The following STIM2 variants were observed in gnomAD, a reference collection of about 807,000 sequenced individuals.
STIM2 encodes the protein stromal interaction molecule 2.
STIM2 carries 31 observed loss-of-function variants against 85.8 expected under a neutral mutation model. The ratio of observed to expected loss-of-function variants is 0.36; its 90% CI spans 0.27 to 0.49. The LOEUF is 0.49. STIM2 is among the 20% of genes least tolerant of loss of function. The probability of loss-of-function intolerance (pLI) is 0.98; values close to 1 mark genes in which losing one functional copy is unlikely to be tolerated. For synonymous variants in STIM2, 356 were observed against 331.1 expected (o/e 1.08, Z -0.82); for missense variants, 841 against 927.6 (o/e 0.91, Z 1.21).
intron 6 of STIM2, 117 bp downstream of exon 6, chr4:27,002,511 G>A (rs1432321388): frequency 3.0e-6 from 2 of 661,382 alleles, no homozygotes; most frequent in East Asian, 3.0e-5. Context: ...AGGAATAGAT[G>A]CATATTTGAT....
intron 1 of STIM2, among the ~76,000 whole-genome samples, chr4:26,878,450 T>C (rs1462348247): frequency 6.6e-6 from 1 of 152,184 alleles, no homozygotes; most frequent in African/African-American, 2.4e-5. Flanking sequence ...TGAAGCATAG[T>C]AGGCTTTTAC....
At chr4:26,922,671 T>G (rs1443281116) in intron 2 of STIM2, among the ~76,000 whole-genome samples, 1 of 151,762 alleles carries the variant, frequency 6.6e-6, no homozygotes, top group Admixed American at 6.6e-5. Context: ...TGTAACAGAG[T>G]TTTTGTAGAG....
chr4:26,953,090 A>G (rs968567998), intron 2 of STIM2, among the ~76,000 whole-genome samples: 2 of 152,120 alleles, frequency 1.3e-5, no homozygotes, highest in African/African-American at 4.8e-5. Flanking sequence ...TTTTGATGAC[A>G]GGTGTCGTTT....
rs143107481 is a variant in STIM2 at position 27,017,846 on chromosome 4, G to C, written c.1625G>C (p.Arg542Pro). Residue 542 changes from arginine to proline, a missense_variant, in exon 11 of 12, where the codon CGG becomes CCG. Arg to Pro is a moderately radical substitution (Grantham distance 103). This residue lies in a region of STIM2 where 293 missense variants were observed against 284.5 expected (regional missense o/e 1.03). Coordinates refer to ENST00000467087, the MANE Select transcript of STIM2 (RefSeq NM_020860.4). Reference sequence around the variant, plus strand: ...CACGCCCCCCACCCGTCACACCCTCGGCACCCTCACCACCCGCAACACACA... The same window carrying C: ...CACGCCCCCCACCCGTCACACCCTCCGCACCCTCACCACCCGCAACACACA... The C allele has an allele frequency of 6.2e-7, 1 of 1,613,890 alleles. No individual in the cohort carries two copies. The highest frequency in any genetic ancestry group is 8.5e-7 in the Non-Finnish European group (1 of 1,179,974).
intron 3 of STIM2, among the ~76,000 whole-genome samples, chr4:26,976,366 C>T (rs1255296716): frequency 1.4e-5 from 2 of 144,258 alleles, no homozygotes; most frequent in African/African-American, 5.1e-5. Context: ...TGTTCCTATT[C>T]GGCCATCTTG....
chr4:26,954,078 G>A (rs1009462600), intron 2 of STIM2, among the ~76,000 whole-genome samples: 5 of 152,142 alleles, frequency 3.3e-5, no homozygotes, highest in African/African-American at 1.2e-4. Context: ...AAAAGGGTAT[G>A]GCCTGAATAC....
At chr4:26,890,825 A>G (rs1482576485) in intron 1 of STIM2, among the ~76,000 whole-genome samples, 7 of 145,470 alleles carry the variant, frequency 4.8e-5, no homozygotes, top group Admixed American at 2.7e-4. Flanking sequence ...CTCCGTCTCA[A>G]AAAAAAAAAA....
chr4:26,888,198 C>T (rs180761125), intron 1 of STIM2, among the ~76,000 whole-genome samples: 23 of 152,296 alleles, frequency 1.5e-4, no homozygotes, highest in Non-Finnish European at 2.9e-4. Context: ...CATAGTCCAT[C>T]CTTGTCAACT....
At chr4:26,894,542 T>C (rs1454948283) in intron 1 of STIM2, among the ~76,000 whole-genome samples, 1 of 152,174 alleles carries the variant, frequency 6.6e-6, no homozygotes, top group Admixed American at 6.5e-5. Context: ...AGCACCATTT[T>C]TTTTTTTTTA....
At chr4:26,928,249 C>T (rs865840197) in intron 2 of STIM2, among the ~76,000 whole-genome samples, 6 of 152,206 alleles carry the variant, frequency 3.9e-5, no homozygotes, top group Middle Eastern at 6.8e-3. Context: ...GCCACAATGG[C>T]AAATTTCAAT....
At position 27,012,800 on chromosome 4, in the gene STIM2, T is replaced by A. The variant is rs760822151; in HGVS notation, c.1489+3798T>A. Among the ~76,000 whole-genome samples, 182 of 152,208 alleles carry A rather than the reference T, an allele frequency of 1.2e-3. 1 individual carries two copies. The highest frequency in any genetic ancestry group is 2.5e-4 in the Non-Finnish European group (17 of 67,918). ...TATTTTTTTTAATGTTTTTGGTAGA[T>A]TACTTTTAAGTTAAGGAAAGTCATT... On this transcript the variant is annotated intron_variant, in intron 10 of 11. Coordinates refer to ENST00000467087, the MANE Select transcript of STIM2 (RefSeq NM_020860.4).
At chr4:26,957,209 G>A (rs778839816) in intron 2 of STIM2, among the ~76,000 whole-genome samples, 1 of 152,014 alleles carries the variant, frequency 6.6e-6, no homozygotes, top group African/African-American at 2.4e-5. Flanking sequence ...TATTGTTTAG[G>A]GAATAATGAT....
At chr4:27,010,158 ATGT>A (rs759475607) in intron 10 of STIM2, among the ~76,000 whole-genome samples, 2 of 152,176 alleles carry the variant, frequency 1.3e-5, no homozygotes, top group African/African-American at 2.4e-5. Flanking sequence ...TGTTTTAGAA[ATGT>A]TGTGATCAGG....
At chr4:27,021,006 A>C (rs1728889164) in intron 11 of STIM2, 2 of 1,533,844 alleles carry the variant, frequency 1.3e-6, no homozygotes, top group Non-Finnish European at 1.7e-6. Context: ...AACAGTATTC[A>C]CCTTGGGCTC....
chr4:26,880,753 T>C (rs1343315420), intron 1 of STIM2, among the ~76,000 whole-genome samples: 3 of 149,532 alleles, frequency 2.0e-5, no homozygotes, highest in Admixed American at 6.7e-5. Context: ...AGAATTAAGC[T>C]AGAGGAAATA....
chr4:27,002,104 A>G (rs764464526), intron 5 of STIM2, 113 bp from the exon 6 acceptor site: 53 of 893,556 alleles, frequency 5.9e-5, no homozygotes, highest in Non-Finnish European at 8.1e-5. Flanking sequence ...GTGCATGGGA[A>G]AGAGATCTCC....
intron 2 of STIM2, among the ~76,000 whole-genome samples, chr4:26,934,199 G>GA (rs922163657): frequency 7.4e-5 from 11 of 149,284 alleles, no homozygotes; most frequent in African/African-American, 1.5e-4. Flanking sequence ...CTCAAAAAAA[G>GA]AAAAAAAAAT....
chr4:26,965,281 G>C (rs1462632667), intron 3 of STIM2, among the ~76,000 whole-genome samples: 1 of 152,110 alleles, frequency 6.6e-6, no homozygotes. Context: ...AAGAGAATAG[G>C]TGACACCAGT....
intron 3 of STIM2, among the ~76,000 whole-genome samples, chr4:26,966,457 T>C (rs992607655): frequency 1.3e-5 from 2 of 152,322 alleles, no homozygotes. Context: ...GAGAATGACA[T>C]TGTCTTCAAA....
Sources: allele counts gnomAD v4.1 joint callset (sites outside exome capture counted in the v4.1 genomes callset), GRCh38; gene constraint gnomAD v4.1.1; regional missense constraint gnomAD v4.1.1; transcripts MANE v1.5; gene names NCBI Gene and HGNC (gene_info 2026-07-23, HGNC 2026-07-21).